Variants in DLGAP4 observed in about 807,000 individuals in gnomAD.
The protein encoded by DLGAP4 is DLG associated protein 4, also known as disks large-associated protein 4.
In DLGAP4, 18 loss-of-function variants were observed where a neutral mutation model predicts 86.9. The observed-to-expected ratio is 0.21, with a 90% confidence interval of 0.14 to 0.31. The LOEUF is 0.31. Ranked by LOEUF, DLGAP4 falls within the 10% of genes least tolerant of loss-of-function variation. DLGAP4 has a pLI of 1.00. For synonymous variants in DLGAP4, 548 were observed against 574.3 expected, an observed-to-expected ratio of 0.95 and a Z score of 0.65; for missense variants, 1,085 against 1,362.6, an observed-to-expected ratio of 0.80 and a Z score of 3.21.
intron 2 of DLGAP4, among the ~76,000 whole-genome samples, chr20:36,400,905 T>TG (rs1288108303): frequency 1.3e-5 from 2 of 151,796 alleles, no homozygotes; most frequent in South Asian, 2.1e-4. Flanking sequence ...CACCGGGCGC[T>TG]GGGGGGCCAG....
At chr20:36,319,679 C>T (rs1158872551) in intron 1 of DLGAP4, among the ~76,000 whole-genome samples, 1 of 152,162 alleles carries the variant, frequency 6.6e-6, no homozygotes, top group Non-Finnish European at 1.5e-5. Flanking sequence ...GGAGCGGGGA[C>T]TGGATCACAG....
intron 2 of DLGAP4, among the ~76,000 whole-genome samples, chr20:36,376,861 T>G (rs1023834542): frequency 1.3e-5 from 2 of 152,022 alleles, no homozygotes; most frequent in Non-Finnish European, 2.9e-5. Context: ...CCAGGTGTTG[T>G]GGGGAAGGTG....
At chr20:36,383,165 C>A (rs560813694) in intron 2 of DLGAP4, among the ~76,000 whole-genome samples, 59 of 152,308 alleles carry the variant, frequency 3.9e-4, no homozygotes, top group Middle Eastern at 3.4e-3. Context: ...CCGCTGGGGT[C>A]TCCACTGAAC....
At chr20:36,394,174 T>C (rs2031871626) in intron 2 of DLGAP4, among the ~76,000 whole-genome samples, 1 of 152,200 alleles carries the variant, frequency 6.6e-6, no homozygotes, top group African/African-American at 2.4e-5. Flanking sequence ...CCTCACTTTG[T>C]CCGTGTGAAG....
At chr20:36,440,875 C>T (rs2033427572) in intron 5 of DLGAP4, among the ~76,000 whole-genome samples, 1 of 152,050 alleles carries the variant, frequency 6.6e-6, no homozygotes, top group South Asian at 2.1e-4. Context: ...CCACTGTGTG[C>T]AGGCCCAGGA....
At chr20:36,501,567 G>A (rs961762075) in intron 10 of DLGAP4, among the ~76,000 whole-genome samples, 4 of 150,482 alleles carry the variant, frequency 2.7e-5, no homozygotes, top group Non-Finnish European at 5.9e-5. Flanking sequence ...TGGTTGGAGG[G>A]GGGTTGGGTG....
chr20:36,307,738 T>G (rs2065018254), intron 1 of DLGAP4, among the ~76,000 whole-genome samples: 1 of 152,094 alleles, frequency 6.6e-6, no homozygotes, highest in Non-Finnish European at 1.5e-5. Context: ...CTACCTCCAC[T>G]GCACCTCCTC....
At chr20:36,522,007 C>T (rs1231832664) in intron 10 of DLGAP4, among the ~76,000 whole-genome samples, 8 of 151,906 alleles carry the variant, frequency 5.3e-5, no homozygotes, top group Admixed American at 1.3e-4. Flanking sequence ...GGAATCTGTA[C>T]GTGGGATGGG....
In DLGAP4 at chr20:36,332,387, TG is replaced by T. The variant is rs1481288742; in HGVS notation, c.-304+25876del. ...GTTTTTTGTTTTTTTTGTTTTGTTTTGTTTTTTTGTTTCTTTGTTTGAGACA... is the reference window on the plus strand; with the variant it reads ...GTTTTTTGTTTTTTTTGTTTTGTTTTTTTTTTTGTTTCTTTGTTTGAGACA... On this transcript the variant is annotated intron_variant, in intron 1 of 12. Transcript: ENST00000339266. 3.3e-5 allele frequency among the ~76,000 whole-genome samples: 5 copies of T among 152,244 alleles called. No individual in the cohort carries two copies. The East Asian group carries it at 5.8e-4, about 18-fold the overall frequency.
At chr20:36,478,190 C>T (rs2035029841) in intron 7 of DLGAP4, among the ~76,000 whole-genome samples, 1 of 152,176 alleles carries the variant, frequency 6.6e-6, no homozygotes, top group African/African-American at 2.4e-5. Flanking sequence ...GCAATTACCC[C>T]TCCTACTGGA....
At chr20:36,441,852 C>T (rs1033785966) in intron 5 of DLGAP4, among the ~76,000 whole-genome samples, 3 of 152,168 alleles carry the variant, frequency 2.0e-5, no homozygotes, top group African/African-American at 4.8e-5. Flanking sequence ...CCATCTCCAC[C>T]CCCGCCTGGG....
intron 2 of DLGAP4, among the ~76,000 whole-genome samples, chr20:36,425,690 G>A (rs577955385): frequency 2.7e-5 from 4 of 150,242 alleles, no homozygotes; most frequent in Admixed American, 1.3e-4. Context: ...GTGCAGTGGC[G>A]GGCACCTGTA....
At position 36,508,143 on chromosome 20, in the gene DLGAP4, G is replaced by A. The variant is rs192832535; in HGVS notation, c.2512+7532G>A. 3.3e-5 allele frequency: 5 copies of A among 152,346 alleles called. No individual in the cohort carries two copies. The East Asian group carries it at 9.6e-4, about 29-fold the overall frequency. 9.4% of individuals were successfully genotyped at this position (152,346 alleles called of 1,614,324 possible). On this transcript the variant is annotated intron_variant, in intron 10 of 12. Transcript: ENST00000339266. ...AGGCGGGGCTTCAGGTTGAAGGAGGGAAGTATTAGACCCTACCTCTTCATA... is the reference window on the plus strand; with the variant it reads ...AGGCGGGGCTTCAGGTTGAAGGAGGAAAGTATTAGACCCTACCTCTTCATA...
intron 2 of DLGAP4, among the ~76,000 whole-genome samples, chr20:36,382,867 C>A (rs1569480172): frequency 6.6e-6 from 1 of 152,054 alleles, no homozygotes; most frequent in Non-Finnish European, 1.5e-5. Flanking sequence ...GTATAATTGT[C>A]CTTGTCTTGT....
intron 1 of DLGAP4, among the ~76,000 whole-genome samples, chr20:36,332,734 G>C (rs2065282499): frequency 6.6e-6 from 1 of 152,148 alleles, no homozygotes; most frequent in East Asian, 1.9e-4. Context: ...GAGACTCAGA[G>C]GGGAAAGGAG....
chr20:36,404,272 T>G (rs2032247248), intron 2 of DLGAP4, among the ~76,000 whole-genome samples: 1 of 152,150 alleles, frequency 6.6e-6, no homozygotes, highest in African/African-American at 2.4e-5. Context: ...AGGTCTATGG[T>G]AGGGTGAACT....
intron 7 of DLGAP4, among the ~76,000 whole-genome samples, chr20:36,479,116 T>C (rs1436952745): frequency 2.6e-5 from 4 of 152,162 alleles, no homozygotes; most frequent in Non-Finnish European, 5.9e-5. Context: ...TCTTCCCAGA[T>C]GTTACCATGT....
At chr20:36,484,383 A>G (rs1003515528) in intron 7 of DLGAP4, among the ~76,000 whole-genome samples, 14 of 152,190 alleles carry the variant, frequency 9.2e-5, no homozygotes, top group African/African-American at 3.4e-4. Flanking sequence ...CCAACATGTC[A>G]GGAAAAAAGC....
At chr20:36,351,297 G>A (rs1038546251) in intron 1 of DLGAP4, among the ~76,000 whole-genome samples, 2 of 152,218 alleles carry the variant, frequency 1.3e-5, no homozygotes, top group African/African-American at 4.8e-5. Context: ...GACCAGTGCT[G>A]GTCCGTGGCC....
Sources: allele counts gnomAD v4.1 joint callset (sites outside exome capture counted in the v4.1 genomes callset), GRCh38; gene constraint gnomAD v4.1.1; transcripts MANE v1.5; gene names NCBI Gene and HGNC (gene_info 2026-07-23, HGNC 2026-07-21).